ZNF264: variants seen among roughly 807,000 people sequenced by gnomAD.
The protein encoded by ZNF264 is zinc finger protein 264.
In ZNF264, 11 loss-of-function variants were observed where a neutral mutation model predicts 11.2. The ratio of observed to expected loss-of-function variants is 0.98; its 90% CI spans 0.62 to 1.63. The LOEUF is 1.63. Among genes scored for constraint, ZNF264 ranks in the 40% most tolerant of loss-of-function variants. The pLI is 0.00. For missense variants in ZNF264, 752 were observed against 768.1 expected (o/e 0.98, Z 0.25); for synonymous variants, 309 against 279.8 (o/e 1.10, Z -1.04).
chr19:57,200,015 A>AT (rs1196473241), intron 2 of ZNF264, among the ~76,000 whole-genome samples: 1 of 46,366 alleles, frequency 2.2e-5, no homozygotes, highest in Non-Finnish European at 4.0e-5. Context: ...AAAAAAAAAA[A>AT]GAAAAAATGA....
rs751471791 is a variant in ZNF264 at position 57,212,257 on chromosome 19, T to A, written c.1160T>A (p.Ile387Asn). Residue 387 changes from isoleucine to asparagine, a missense_variant, in exon 4 of 4, where the codon ATT becomes AAT. Transcript: ENST00000263095. ...GTCTTCTTGGAGAGTGCAGCCCTGA[T>A]TCACCACTATGTCATCCACACTGGA... ...GKVFLESAAL[I>N]HHYVIHTGEK... 31 of 1,613,866 alleles carry A rather than the reference T, an allele frequency of 1.9e-5. No individual in the cohort carries two copies. The South Asian group carries it at 3.1e-4, about 16-fold the overall frequency.
In ZNF264 at chr19:57,211,832, TCTC is replaced by T. The variant is rs1281836211; in HGVS notation, c.738_740del (p.Leu247del). ...GGAAAACCTTTATTAAGAGCACACA[TCTC>T]CTGCAACATCACATGATCCACACTG... On this transcript the variant is annotated inframe_deletion, in exon 4 of 4. Coordinates refer to ENST00000263095, the MANE Select transcript of ZNF264 (RefSeq NM_003417.5). 2 of 1,614,006 alleles carry T rather than the reference TCTC, an allele frequency of 1.2e-6. No homozygotes were observed. The highest frequency in any genetic ancestry group is 1.3e-5 in the African/African-American group (1 of 74,894).
intron 2 of ZNF264, 152 bp from the exon 3 acceptor site, chr19:57,205,245 G>T: frequency 1.5e-6 from 1 of 653,542 alleles, no homozygotes; most frequent in Non-Finnish European, 2.7e-6. Flanking sequence ...TGGAAACCTT[G>T]GTTTCCAGGT....
Position 57,191,819 on chromosome 19 carries a change from AG to A in ZNF264, c.-94del. 1 of 1,045,044 alleles carries A rather than the reference AG, an allele frequency of 9.6e-7. No homozygotes were observed. Among genetic ancestry groups the A allele is most frequent in the Non-Finnish European group, 1.2e-6 (1 of 812,216 alleles). 64.7% of individuals were successfully genotyped at this position (1,045,044 alleles called of 1,614,324 possible). On this transcript the variant is annotated 5_prime_UTR_variant, in exon 1 of 4. Coordinates refer to ENST00000263095, the MANE Select transcript of ZNF264 (RefSeq NM_003417.5). ...GGCGGCGGCCCCGAGCGCGCCTGGA[AG>A]CCCCGGGCAACCGGCCAGGGTCGGG...
chr19:57,202,261 G>A (rs2087258720), intron 2 of ZNF264, among the ~76,000 whole-genome samples: 1 of 151,848 alleles, frequency 6.6e-6, no homozygotes, highest in Admixed American at 6.5e-5. Flanking sequence ...CAGTGACTTA[G>A]TGATGACACA....
rs1389738955 is a variant in ZNF264 at position 57,191,604 on chromosome 19, G to C, written c.-310G>C. ...AGGACCGAGCAGGGGAGTAGGATAG[G>C]AATCCCCGCCGCACCTTTGTACGAG... On this transcript the variant is annotated 5_prime_UTR_variant, in exon 1 of 4. Coordinates refer to ENST00000263095, the MANE Select transcript of ZNF264 (RefSeq NM_003417.5). The C allele has an allele frequency of 5.8e-6, 2 of 345,394 alleles. No homozygotes were observed. Among genetic ancestry groups the C allele is most frequent in the African/African-American group, 4.2e-5 (2 of 47,176 alleles). The allele number at this position is 345,394 out of a possible 1,614,324, so 21.4% of individuals were successfully genotyped here. A position where few individuals can be genotyped will look rare whatever the true frequency, so the allele number is the denominator to read the frequency against.
chr19:57,212,743 G>T lies in ZNF264; in HGVS notation c.1646G>T (p.Ser549Ile). Reference protein sequence around the residue: ...YKCSECGKAFSRSSSLTQHQR... With the variant: ...YKCSECGKAFIRSSSLTQHQR... ...TGTAGTGAATGTGGAAAGGCCTTCAGTCGCAGCTCGTCCCTCACTCAGCAT... is the reference window on the plus strand; with the variant it reads ...TGTAGTGAATGTGGAAAGGCCTTCATTCGCAGCTCGTCCCTCACTCAGCAT... The change falls in exon 4 of 4, where the codon AGT (serine) becomes ATT (isoleucine). Residue 549 changes from serine (S) to isoleucine (I), a missense_variant. Transcript: ENST00000263095. 2.5e-6 allele frequency: 4 copies of T among 1,614,196 alleles called. No individual in the cohort carries two copies. Among genetic ancestry groups the T allele is most frequent in the Non-Finnish European group, 3.4e-6 (4 of 1,180,014 alleles).
chr19:57,207,545 C>CTT (rs757880568), intron 3 of ZNF264, among the ~76,000 whole-genome samples: 43 of 103,082 alleles, frequency 4.2e-4, no homozygotes, highest in Non-Finnish European at 5.1e-4. Context: ...TTTTTCTTTT[C>CTT]TTTTTTTTTT....
Position 57,212,912 on chromosome 19 carries a change from A to G in ZNF264, c.1815A>G (p.Pro605=), listed in dbSNP as rs2087352293. The change falls in exon 4 of 4, where the codon CCA becomes CCG. Residue 605 remains proline (P), a synonymous_variant. Coordinates refer to ENST00000263095, the MANE Select transcript of ZNF264 (RefSeq NM_003417.5). ...TAACCACTGAGGCAAATATTTTGCC[A>G]GAGGAAACATCTTCCTCTGCATCTG... is the stretch of plus-strand genomic sequence containing the variant. ...LNVTTEANIL[P]EETSSSASDQ... The G allele has an allele frequency of 1.9e-6, 3 of 1,614,198 alleles. No homozygotes were observed. The highest frequency in any genetic ancestry group is 1.1e-5 in the South Asian group (1 of 91,086).
rs2087394293 is a variant in ZNF264 at position 57,218,284 on chromosome 19, A to C, written c.*5303A>C. On this transcript the variant is annotated 3_prime_UTR_variant, in exon 4 of 4. Coordinates refer to ENST00000263095, the MANE Select transcript of ZNF264 (RefSeq NM_003417.5). ...GTTTTCTTTTAGACTTCAGAGATGT[A>C]TCTCTCTGTTCTGTACATTATTGTT... 1 of 152,170 alleles carries C rather than the reference A, an allele frequency of 6.6e-6. No homozygotes were observed. Among genetic ancestry groups the C allele is most frequent in the Non-Finnish European group, 1.5e-5 (1 of 68,030 alleles). 9.4% of individuals were successfully genotyped at this position (152,170 alleles called of 1,614,324 possible).
chr19:57,203,398 T>C (rs1464017280), intron 2 of ZNF264, among the ~76,000 whole-genome samples: 1 of 152,098 alleles, frequency 6.6e-6, no homozygotes, highest in Admixed American at 6.6e-5. Flanking sequence ...AGGAGCAGTC[T>C]CTCCCAAAGT....
chr19:57,194,965 C>G (rs2087201452), intron 2 of ZNF264: 3 of 387,834 alleles, frequency 7.7e-6, no homozygotes, highest in African/African-American at 2.1e-5. Context: ...TTTGAGGTAA[C>G]AGCTGTCAAG....
chr19:57,205,360 C>G (rs1364842011), intron 2 of ZNF264, 37 bp from the exon 3 acceptor site: 1 of 1,568,160 alleles, frequency 6.4e-7, no homozygotes, highest in Admixed American at 1.8e-5. Context: ...TTCTTTTCAC[C>G]CACATCCATG....
rs779618782 is a variant in ZNF264, at chr19:57,214,477, C to G, written c.*1496C>G. 6.6e-5 allele frequency: 10 copies of G among 152,198 alleles called. No homozygotes were observed. The highest frequency in any genetic ancestry group is 3.9e-4 in the East Asian group (2 of 5,192). The allele number at this position is 152,198 out of a possible 1,614,324, so 9.4% of individuals were successfully genotyped here. ...CCCCACCTCAGCCCTCACCACCCCC[C>G]AGTAGCTGGTACTACAAGCATGCAC... On this transcript the variant is annotated 3_prime_UTR_variant, in exon 4 of 4. Coordinates refer to ENST00000263095, the MANE Select transcript of ZNF264 (RefSeq NM_003417.5).
At chr19:57,205,618 C>T in intron 3 of ZNF264, 126 bp downstream of exon 3, 2 of 818,216 alleles carry the variant, frequency 2.4e-6, no homozygotes, top group Non-Finnish European at 2.0e-6. Flanking sequence ...TTATATAACT[C>T]TATCACACTA....
intron 2 of ZNF264, among the ~76,000 whole-genome samples, chr19:57,201,300 T>C (rs556939498): frequency 1.3e-5 from 2 of 151,986 alleles, no homozygotes; most frequent in Non-Finnish European, 2.9e-5. Context: ...TTTCTGTCCC[T>C]GGGTAGTAAA....
intron 2 of ZNF264, among the ~76,000 whole-genome samples, chr19:57,202,949 C>T (rs944493773): frequency 1.3e-5 from 2 of 149,272 alleles, no homozygotes; most frequent in African/African-American, 5.1e-5. Context: ...GCTATCCCTG[C>T]GTGGATAGTA....
Position 57,211,533 on chromosome 19 carries a change from C to A in ZNF264, c.436C>A (p.Pro146Thr). The part of the protein sequence containing the change: ...QEGHFRPGID[P>T]QEKSPGKMSP... Reference sequence around the variant, plus strand: ...AGGACACTTCAGACCAGGAATAGATCCCCAGGAGAAGTCTCCTGGGAAGAT... The same window carrying A: ...AGGACACTTCAGACCAGGAATAGATACCCAGGAGAAGTCTCCTGGGAAGAT... The change falls in exon 4 of 4, where the codon CCC becomes ACC. Residue 146 changes from proline (P) to threonine (T), a missense_variant. Transcript: ENST00000263095. 1 of 1,613,980 alleles carries A rather than the reference C, an allele frequency of 6.2e-7. No homozygotes were observed.
rs1167507552 is a variant in ZNF264 at position 57,221,312 on chromosome 19, G to A, written c.*8331G>A. 6.6e-6 allele frequency: 1 copy of A among 152,304 alleles called. No homozygotes were observed. Among genetic ancestry groups the A allele is most frequent in the Non-Finnish European group, 1.5e-5 (1 of 68,160 alleles). 9.4% of individuals were successfully genotyped at this position (152,304 alleles called of 1,614,324 possible). A position where few individuals can be genotyped will look rare whatever the true frequency, so the allele number is the denominator to read the frequency against. On this transcript the variant is annotated 3_prime_UTR_variant, in exon 4 of 4. Coordinates refer to ENST00000263095, the MANE Select transcript of ZNF264 (RefSeq NM_003417.5). ...GATCCACCCGCCTCGGCCTCCCAAAGTGCTGGGATTACAGGCGTGAGCCAC... is the reference window on the plus strand; with the variant it reads ...GATCCACCCGCCTCGGCCTCCCAAAATGCTGGGATTACAGGCGTGAGCCAC...
Sources: allele counts gnomAD v4.1 joint callset (sites outside exome capture counted in the v4.1 genomes callset), GRCh38; gene constraint gnomAD v4.1.1; transcripts MANE v1.5; gene names NCBI Gene and HGNC (gene_info 2026-07-23, HGNC 2026-07-21).